DRD3: variants seen among roughly 807,000 people sequenced by gnomAD.
The protein encoded by DRD3 is dopamine receptor D3.
In DRD3, 19 loss-of-function variants were observed where a neutral mutation model predicts 36.3. The observed-to-expected ratio is 0.52, with a 90% confidence interval of 0.36 to 0.77. The LOEUF is 0.77. Ranked by LOEUF, DRD3 falls within the 30% of genes least tolerant of loss-of-function variation. DRD3 has a pLI of 0.00. For synonymous variants in DRD3, 195 were observed against 203.7 expected (o/e 0.96, Z 0.36); for missense variants, 465 against 505.3 (o/e 0.92, Z 0.77).
chr3:114,143,039 C>T (rs1191848611), intron 4 of DRD3, among the ~76,000 whole-genome samples: 1 of 152,230 alleles, frequency 6.6e-6, no homozygotes, highest in African/African-American at 2.4e-5. Context: ...AGTTCTGAAA[C>T]CTTCTCTGCT....
chr3:114,169,157 T>C (rs763544766), intron 2 of DRD3, among the ~76,000 whole-genome samples: 10 of 152,014 alleles, frequency 6.6e-5, no homozygotes, highest in African/African-American at 2.4e-4. Flanking sequence ...CATGGATTTA[T>C]GTATTCATAG....
intron 5 of DRD3, among the ~76,000 whole-genome samples, chr3:114,137,922 C>T (rs111704809): frequency 0.041 from 5,785 of 139,798 alleles, 141 homozygotes; most frequent in South Asian, 0.081. Context: ...GGCGTGAACC[C>T]GGGAGGCGGA....
At chr3:114,156,839 T>C (rs953354659) in intron 3 of DRD3, among the ~76,000 whole-genome samples, 1 of 4,770 alleles carries the variant, frequency 2.1e-4, no homozygotes, top group Non-Finnish European at 8.0e-4. Flanking sequence ...TTCTTTCCTT[T>C]CTTTCTTTTC....
At chr3:114,158,286 G>A (rs1428011239) in intron 3 of DRD3, among the ~76,000 whole-genome samples, 1 of 151,222 alleles carries the variant, frequency 6.6e-6, no homozygotes, top group East Asian at 1.9e-4. Context: ...AATTGCATAA[G>A]TCTGTAAACA....
At position 114,171,994 on chromosome 3, in the gene DRD3, G is replaced by C; in HGVS notation, c.-2C>G. ...ACTCAGCTGGCTCAGAGATGCCATA[G>C]CCCAGAGGGAGGTGCGTGATGCCAA... On this transcript the variant is annotated 5_prime_UTR_variant, in exon 2 of 7. Coordinates refer to ENST00000383673, the MANE Select transcript of DRD3 (RefSeq NM_000796.6). 1 of 1,441,346 alleles carries C rather than the reference G, an allele frequency of 6.9e-7. No homozygotes were observed. The highest frequency in any genetic ancestry group is 1.5e-5 in the South Asian group (1 of 64,528). 89.3% of individuals were successfully genotyped at this position (1,441,346 alleles called of 1,614,324 possible). A position where few individuals can be genotyped will look rare whatever the true frequency, so the allele number is the denominator to read the frequency against.
upstream of DRD3, among the ~76,000 whole-genome samples, chr3:114,183,900 G>GT (rs2077961015): frequency 6.6e-6 from 1 of 151,948 alleles, no homozygotes; most frequent in African/African-American, 2.4e-5. Flanking sequence ...GCAATCATGT[G>GT]TTTTTTATCC....
chr3:114,164,987 G>T (rs926153090), intron 2 of DRD3, among the ~76,000 whole-genome samples: 1 of 152,202 alleles, frequency 6.6e-6, no homozygotes, highest in African/African-American at 2.4e-5. Flanking sequence ...CTGACCTCAG[G>T]TGATCCACCC....
At chr3:114,199,106 G>A (rs1050882232) in intron 1 of DRD3, among the ~76,000 whole-genome samples, 34 of 152,030 alleles carry the variant, frequency 2.2e-4, no homozygotes, top group Non-Finnish European at 7.4e-5. Flanking sequence ...GATAGTTTTT[G>A]TTTTCATGTG....
At chr3:114,139,840 CT>C in intron 4 of DRD3, 144 bp from the exon 5 acceptor site, 1 of 669,620 alleles carries the variant, frequency 1.5e-6, no homozygotes, top group Non-Finnish European at 2.5e-6. Flanking sequence ...GATACGTATA[CT>C]GTCAGGTCCT....
chr3:114,176,646 G>C (rs2077902218), intron 1 of DRD3, among the ~76,000 whole-genome samples: 1 of 151,930 alleles, frequency 6.6e-6, no homozygotes, highest in South Asian at 2.1e-4. Context: ...CCCGAGTTGA[G>C]ATGGATTTTA....
At chr3:114,195,944 A>C (rs75375775) in intron 1 of DRD3, among the ~76,000 whole-genome samples, 6,522 of 152,288 alleles carry the variant, frequency 0.043, 186 homozygotes, top group Middle Eastern at 0.12. Context: ...AAAACTTCAA[A>C]GCTGTGCAAC....
chr3:114,146,327 G>A (rs1385632733), intron 4 of DRD3, among the ~76,000 whole-genome samples: 7 of 152,116 alleles, frequency 4.6e-5, no homozygotes, highest in Non-Finnish European at 8.8e-5. Context: ...ATGACCACTG[G>A]AACACTAATC....
upstream of DRD3, among the ~76,000 whole-genome samples, chr3:114,181,288 C>A (rs1225098201): frequency 1.3e-5 from 2 of 152,190 alleles, no homozygotes; most frequent in African/African-American, 4.8e-5. Flanking sequence ...TCTGTTCTGA[C>A]TTAGCTGTCT....
intron 1 of DRD3, among the ~76,000 whole-genome samples, chr3:114,193,072 G>T (rs2078019263): frequency 6.6e-6 from 1 of 152,156 alleles, no homozygotes; most frequent in African/African-American, 2.4e-5. Flanking sequence ...GAGGTCAGGA[G>T]ATCGAGACCA....
chr3:114,167,074 C>T lies in DRD3; in HGVS notation c.270+4649G>A, dbSNP rs187163694. On this transcript the variant is annotated intron_variant, in intron 2 of 6. Coordinates refer to ENST00000383673, the MANE Select transcript of DRD3 (RefSeq NM_000796.6). ...CAAAACTCAAAGATTCTTCCCTTCC[C>T]AAAATTTTGCTATTCTTTTCTTTCA... 2.4e-4 allele frequency among the ~76,000 whole-genome samples: 37 copies of T among 152,240 alleles called. No homozygotes were observed. In the South Asian group the frequency reaches 2.7e-3, roughly 11 times the overall value.
At chr3:114,194,049 A>C (rs2078024855) in intron 1 of DRD3, among the ~76,000 whole-genome samples, 1 of 152,236 alleles carries the variant, frequency 6.6e-6, no homozygotes, top group South Asian at 2.1e-4. Context: ...TTTTTAATTC[A>C]TAAAATATGG....
intron 6 of DRD3, among the ~76,000 whole-genome samples, chr3:114,129,299 C>T (rs539047234): frequency 8.6e-5 from 13 of 152,034 alleles, no homozygotes; most frequent in African/African-American, 1.9e-4. Context: ...GCCAAGATTG[C>T]GCCATTGCAC....
chr3:114,191,484 C>A (rs1390656935), intron 1 of DRD3, among the ~76,000 whole-genome samples: 1 of 152,104 alleles, frequency 6.6e-6, no homozygotes. Context: ...CAAGGTGAGG[C>A]TGGGGAGAGA....
At chr3:114,195,606 C>T (rs960739773) in intron 1 of DRD3, among the ~76,000 whole-genome samples, 14 of 151,942 alleles carry the variant, frequency 9.2e-5, no homozygotes, top group Middle Eastern at 3.2e-3. Flanking sequence ...GACTTTTAAA[C>T]GTTATTGGCC....
Sources: allele counts gnomAD v4.1 joint callset (sites outside exome capture counted in the v4.1 genomes callset), GRCh38; gene constraint gnomAD v4.1.1; transcripts MANE v1.5; gene names NCBI Gene and HGNC (gene_info 2026-07-23, HGNC 2026-07-21).